CLOCK: variants seen among roughly 807,000 people sequenced by gnomAD.
The protein encoded by CLOCK is clock circadian regulator.
Under a neutral mutation model 118.4 loss-of-function variants are expected in CLOCK, and 43 were observed. The ratio of observed to expected loss-of-function variants is 0.36; its 90% CI spans 0.28 to 0.47. The LOEUF is 0.47. CLOCK is among the 20% of genes least tolerant of loss of function. CLOCK has a pLI of 1.00. For missense variants in CLOCK, 846 were observed against 999.9 expected, an observed-to-expected ratio of 0.85 and a Z score of 2.08; for synonymous variants, 326 against 339.2, an observed-to-expected ratio of 0.96 and a Z score of 0.43.
intron 1 of CLOCK, among the ~76,000 whole-genome samples, chr4:55,520,409 G>A (rs527611855): frequency 1.3e-5 from 2 of 152,238 alleles, no homozygotes; most frequent in Admixed American, 6.5e-5. Flanking sequence ...AACAGCAATA[G>A]TTTCCCCTAA....
Position 55,443,756 on chromosome 4 carries a change from C to CATTCCACTT in CLOCK, c.1824_1832dup (p.Gly610_Met611insIleSerGly), listed in dbSNP as rs768516322. 3 of 1,613,926 alleles carry CATTCCACTT rather than the reference C, an allele frequency of 1.9e-6. No homozygotes were observed. On this transcript the variant is annotated inframe_insertion, in exon 20 of 23. Coordinates refer to ENST00000513440, the MANE Select transcript of CLOCK (RefSeq NM_004898.4). ...GAGTTGTGCCAATGTGTCCAGTATT[C>CATTCCACTT]ATTCCACTTTGAATCTGGTTAGTAG... is the stretch of plus-strand genomic sequence containing the variant.
chr4:55,436,722 A>G (rs1722903429), intron 22 of CLOCK, among the ~76,000 whole-genome samples: 1 of 150,930 alleles, frequency 6.6e-6, no homozygotes, highest in Non-Finnish European at 1.5e-5. Flanking sequence ...TGTGTAAGGC[A>G]AAGACTTGAT....
chr4:55,489,117 C>T (rs1026148593), intron 3 of CLOCK, among the ~76,000 whole-genome samples: 1 of 152,212 alleles, frequency 6.6e-6, no homozygotes, highest in African/African-American at 2.4e-5. Context: ...GTGTTTCTCA[C>T]TTGTGTATTA....
At chr4:55,462,952 GAC>G (rs1394623765) in intron 9 of CLOCK, among the ~76,000 whole-genome samples, 2 of 152,028 alleles carry the variant, frequency 1.3e-5, no homozygotes, top group Non-Finnish European at 2.9e-5. Flanking sequence ...TAGCAGATGA[GAC>G]ACATTTAAAA....
At chr4:55,441,661 G>T (rs1235088817) in intron 21 of CLOCK, among the ~76,000 whole-genome samples, 1 of 152,218 alleles carries the variant, frequency 6.6e-6, no homozygotes, top group Admixed American at 6.5e-5. Context: ...ATTCTCACTT[G>T]TAAGTGGGAG....
rs1722423728 is a variant in CLOCK at position 55,430,430 on chromosome 4, G to A, written c.*4985C>T. On this transcript the variant is annotated 3_prime_UTR_variant, in exon 23 of 23. Transcript: ENST00000513440. Reference sequence around the variant, plus strand: ...TGCAAAACAGTCACATGGAAAGAAAGTATTTTAATTTTTAAAATCCAAGTT... The same window carrying A: ...TGCAAAACAGTCACATGGAAAGAAAATATTTTAATTTTTAAAATCCAAGTT... The A allele has an allele frequency of 6.6e-6, 1 of 152,140 alleles. No individual in the cohort carries two copies. The highest frequency in any genetic ancestry group is 6.5e-5 in the Admixed American group (1 of 15,274). The allele number at this position is 152,140 out of a possible 1,614,324, so 9.4% of individuals were successfully genotyped here.
intron 1 of CLOCK, among the ~76,000 whole-genome samples, chr4:55,530,815 A>G (rs1240722389): frequency 1.3e-5 from 2 of 149,738 alleles, no homozygotes; most frequent in African/African-American, 5.0e-5. Context: ...CCAGCTAAAA[A>G]AGGAAGAATG....
intron 9 of CLOCK, among the ~76,000 whole-genome samples, chr4:55,461,505 G>A (rs940329444): frequency 1.3e-5 from 2 of 152,172 alleles, no homozygotes; most frequent in African/African-American, 4.8e-5. Context: ...TGGCCAGCTT[G>A]ATCATCAGAA....
intron 9 of CLOCK, among the ~76,000 whole-genome samples, chr4:55,461,596 C>G (rs527427035): frequency 6.6e-6 from 1 of 152,148 alleles, no homozygotes; most frequent in Non-Finnish European, 1.5e-5. Context: ...AAAGCTATCA[C>G]TTGATTTGTA....
intron 1 of CLOCK, among the ~76,000 whole-genome samples, chr4:55,520,065 G>T (rs961155628): frequency 6.6e-6 from 1 of 152,116 alleles, no homozygotes; most frequent in African/African-American, 2.4e-5. Flanking sequence ...TTAATAATCC[G>T]ATTCAAGGCC....
chr4:55,499,948 C>T (rs1426501179), intron 2 of CLOCK, among the ~76,000 whole-genome samples: 2 of 152,126 alleles, frequency 1.3e-5, no homozygotes, highest in Non-Finnish European at 2.9e-5. Flanking sequence ...GTTCTCTTTC[C>T]CAATTCCTCT....
intron 2 of CLOCK, among the ~76,000 whole-genome samples, chr4:55,495,997 T>C (rs1728049363): frequency 6.6e-6 from 1 of 152,134 alleles, no homozygotes; most frequent in Non-Finnish European, 1.5e-5. Flanking sequence ...AAGACCAGCC[T>C]GGCCAACATG....
At chr4:55,502,876 T>C (rs1221599637) in intron 2 of CLOCK, among the ~76,000 whole-genome samples, 2 of 152,200 alleles carry the variant, frequency 1.3e-5, no homozygotes, top group African/African-American at 2.4e-5. Flanking sequence ...GATATTCAAA[T>C]GGTCAACAGG....
chr4:55,475,927 G>A (rs1235950484), intron 7 of CLOCK, 36 bp downstream of exon 7: 6 of 1,460,874 alleles, frequency 4.1e-6, no homozygotes, highest in Non-Finnish European at 5.7e-6. Flanking sequence ...CTTTTTTGAG[G>A]AAAATAAAAC....
At chr4:55,467,840 C>G (rs757674830) in intron 8 of CLOCK, among the ~76,000 whole-genome samples, 26 of 152,086 alleles carry the variant, frequency 1.7e-4, no homozygotes, top group Non-Finnish European at 2.1e-4. Context: ...TGGGCTTATC[C>G]TACTATTTGA....
At chr4:55,484,443 A>AT (rs750038015) in intron 3 of CLOCK, among the ~76,000 whole-genome samples, 4 of 152,182 alleles carry the variant, frequency 2.6e-5, no homozygotes, top group Admixed American at 6.5e-5. Flanking sequence ...AAAAGTTGTG[A>AT]TTTTAAGTGT....
At chr4:55,531,147 T>C (rs1342286711) in intron 1 of CLOCK, among the ~76,000 whole-genome samples, 2 of 152,078 alleles carry the variant, frequency 1.3e-5, no homozygotes, top group African/African-American at 2.4e-5. Context: ...GCGGCATGAT[T>C]TCGAAAAAAT....
At chr4:55,499,515 T>C (rs1035736652) in intron 2 of CLOCK, among the ~76,000 whole-genome samples, 3 of 152,220 alleles carry the variant, frequency 2.0e-5, no homozygotes, top group Non-Finnish European at 2.9e-5. Flanking sequence ...CTAGATCCCT[T>C]GCACTCGCAG....
At chr4:55,467,669 T>C (rs1031207079) in intron 8 of CLOCK, among the ~76,000 whole-genome samples, 2 of 152,236 alleles carry the variant, frequency 1.3e-5, no homozygotes, top group Non-Finnish European at 2.9e-5. Flanking sequence ...ATCTTAATCC[T>C]ATAATGGGAT....
Sources: allele counts gnomAD v4.1 joint callset (sites outside exome capture counted in the v4.1 genomes callset), GRCh38; gene constraint gnomAD v4.1.1; transcripts MANE v1.5; gene names NCBI Gene and HGNC (gene_info 2026-07-23, HGNC 2026-07-21).